Variants in FAM120A observed in about 807,000 individuals in gnomAD.
The protein encoded by FAM120A is constitutive coactivator of PPAR-gamma-like protein 1.
In FAM120A, 15 loss-of-function variants were observed where a neutral mutation model predicts 109.7. That is an observed-to-expected ratio of 0.14 (90% CI 0.09 to 0.21). FAM120A has a LOEUF of 0.21. Ranked by LOEUF, FAM120A falls within the 10% of genes least tolerant of loss-of-function variation. FAM120A has a pLI of 1.00. For missense variants in FAM120A, 899 were observed against 1,439.3 expected, an observed-to-expected ratio of 0.62 and a Z score of 6.07; for synonymous variants, 493 against 572.8, an observed-to-expected ratio of 0.86 and a Z score of 1.99.
At position 93,565,267 on chromosome 9, in the gene FAM120A, A is replaced by G. The variant is rs1006635413; in HGVS notation, c.*727A>G. On this transcript the variant is annotated 3_prime_UTR_variant, in exon 18 of 18. Transcript: ENST00000277165. ...TTCTGAAACTTTCGTGACTAATACC[A>G]TGCATCTGTGATCAATGAACTATGT... 3 of 152,660 alleles carry G rather than the reference A, an allele frequency of 2.0e-5. No individual in the cohort carries two copies. The highest frequency in any genetic ancestry group is 4.4e-5 in the Non-Finnish European group (3 of 68,046). The allele number at this position is 152,660 out of a possible 1,614,324, so 9.5% of individuals were successfully genotyped here.
rs188635170 is a variant in FAM120A at position 93,517,389 on chromosome 9, C to A, written c.1418+1120C>A. ...CTCTAGCAAGATAATATATTGAGTACCCATTGAATCAGAATCTCTGGTTGG... is the reference window on the plus strand; with the variant it reads ...CTCTAGCAAGATAATATATTGAGTAACCATTGAATCAGAATCTCTGGTTGG... On this transcript the variant is annotated intron_variant, in intron 7 of 17. Coordinates refer to ENST00000277165, the MANE Select transcript of FAM120A (RefSeq NM_014612.5). Among the ~76,000 whole-genome samples, 715 of 152,194 alleles carry A rather than the reference C, an allele frequency of 4.7e-3. 4 individuals carry two copies. The highest frequency in any genetic ancestry group is 0.014 in the Middle Eastern group (4 of 294).
Position 93,516,397 on chromosome 9 carries a change from T to C in FAM120A, c.1418+128T>C, listed in dbSNP as rs1243508234. The C allele has an allele frequency of 4.5e-6, 6 of 1,323,756 alleles. No homozygotes were observed. The Admixed American group carries it at 6.6e-5, about 15-fold the overall frequency. 82.0% of individuals were successfully genotyped at this position (1,323,756 alleles called of 1,614,324 possible). On this transcript the variant is annotated intron_variant, in intron 7 of 17. Coordinates refer to ENST00000277165, the MANE Select transcript of FAM120A (RefSeq NM_014612.5). ...TTTATTGCAGGTGGGTGATGGTCAG[T>C]CTGTACTCAGATGGGGGCTCCTTGG... is the stretch of plus-strand genomic sequence containing the variant.
chr9:93,497,694 T>A, intron 4 of FAM120A, 95 bp downstream of exon 4: 2 of 1,417,084 alleles, frequency 1.4e-6, no homozygotes, highest in South Asian at 2.9e-5. Context: ...GACTTGAGGG[T>A]GCAAGCTGAC....
chr9:93,526,194 G>T (rs569358462), intron 7 of FAM120A, among the ~76,000 whole-genome samples: 2 of 152,324 alleles, frequency 1.3e-5, no homozygotes, highest in African/African-American at 4.8e-5. Flanking sequence ...GGGTCACACT[G>T]TGCACTGAGG....
chr9:93,541,853 A>G (rs1861713131), intron 10 of FAM120A, among the ~76,000 whole-genome samples: 1 of 152,204 alleles, frequency 6.6e-6, no homozygotes, highest in Non-Finnish European at 1.5e-5. Flanking sequence ...CTGACTTGTC[A>G]GGTATTGAAA....
intron 1 of FAM120A, among the ~76,000 whole-genome samples, chr9:93,461,156 A>C (rs1042301076): frequency 2.6e-5 from 4 of 152,194 alleles, no homozygotes; most frequent in African/African-American, 9.7e-5. Context: ...GTCATTTGGC[A>C]TTTCTCAGTT....
chr9:93,493,925 G>T (rs1859455093), intron 3 of FAM120A, among the ~76,000 whole-genome samples: 1 of 152,238 alleles, frequency 6.6e-6, no homozygotes, highest in African/African-American at 2.4e-5. Context: ...GCCTTCCTGG[G>T]CCCTTTTCTT....
Position 93,452,723 on chromosome 9 carries a change from G to C in FAM120A, c.474+334G>C, listed in dbSNP as rs753688748. ...AGTTTTTCCCATCCTATTTGAGGCG[G>C]GCAGGCTATCACTCACCTTCAACTT... On this transcript the variant is annotated intron_variant, in intron 1 of 17. Coordinates refer to ENST00000277165, the MANE Select transcript of FAM120A (RefSeq NM_014612.5). This position sits in a 1 kb window ranked among gnomAD's most constrained non-coding sequence, Gnocchi z 7.0. 6.3e-7 allele frequency: 1 copy of C among 1,598,334 alleles called. No homozygotes were observed. The highest frequency in any genetic ancestry group is 8.5e-7 in the Non-Finnish European group (1 of 1,179,830).
chr9:93,464,233 CATT>C (rs1356294543), intron 1 of FAM120A, among the ~76,000 whole-genome samples: 3 of 152,058 alleles, frequency 2.0e-5, no homozygotes, highest in Non-Finnish European at 4.4e-5. Context: ...GTTTTTAAGT[CATT>C]ATTCTTTGTA....
intron 3 of FAM120A, among the ~76,000 whole-genome samples, chr9:93,491,287 A>G (rs898890689): frequency 5.9e-5 from 9 of 152,176 alleles, no homozygotes; most frequent in African/African-American, 2.2e-4. Flanking sequence ...AGGACAAGAA[A>G]TTGTAATGGG....
At position 93,459,516 on chromosome 9, in the gene FAM120A, G is replaced by T. The variant is rs1588774619; in HGVS notation, c.474+7127G>T. The stretch of plus-strand genomic sequence containing the variant: ...TGTTTGAGCACCTGTTAATGCCCAG[G>T]CCTGGAGGAGTGAACAGAACAGGAA... On this transcript the variant is annotated intron_variant, in intron 1 of 17. Coordinates refer to ENST00000277165, the MANE Select transcript of FAM120A (RefSeq NM_014612.5). Among the ~76,000 whole-genome samples the T allele has an allele frequency of 5.3e-5, 8 of 152,286 alleles. No homozygotes were observed. The South Asian group carries it at 1.7e-3, about 32-fold the overall frequency.
At chr9:93,539,031 T>G (rs1861613057) in intron 10 of FAM120A, among the ~76,000 whole-genome samples, 1 of 140,344 alleles carries the variant, frequency 7.1e-6, no homozygotes, top group African/African-American at 2.5e-5. Flanking sequence ...GGAGTCTCAC[T>G]CTGTCGCCCA....
intron 12 of FAM120A, among the ~76,000 whole-genome samples, chr9:93,551,831 A>T (rs545558011): frequency 6.6e-6 from 1 of 152,248 alleles, no homozygotes; most frequent in South Asian, 2.1e-4. Context: ...ATTCACTTCA[A>T]ATTGTGTTCT....
chr9:93,455,387 T>C (rs1405815831), intron 1 of FAM120A, among the ~76,000 whole-genome samples: 1 of 152,172 alleles, frequency 6.6e-6, no homozygotes, highest in East Asian at 1.9e-4. Flanking sequence ...GAGAGATCTT[T>C]GTGGAGTGAT....
Position 93,471,159 on chromosome 9 carries a change from G to A in FAM120A, c.493G>A (p.Asp165Asn). The A allele has an allele frequency of 6.2e-7, 1 of 1,614,174 alleles. No individual in the cohort carries two copies. The highest frequency in any genetic ancestry group is 1.1e-5 in the South Asian group (1 of 91,080). ...FHVKVAQSIEDHHQEVIGFCR... is the reference protein window; with the variant it reads ...FHVKVAQSIENHHQEVIGFCR... Reference sequence around the variant, plus strand: ...TTGCCAGGTTGCACAGAGCATTGAGGATCACCATCAGGAAGTGATTGGTTT... The same window carrying A: ...TTGCCAGGTTGCACAGAGCATTGAGAATCACCATCAGGAAGTGATTGGTTT... The change falls in exon 2 of 18, where the codon GAT becomes AAT. Residue 165 changes from aspartate (D) to asparagine (N), a missense_variant. Asp to Asn is a conservative substitution (Grantham distance 23). Around this residue, in one of 11 missense-constraint regions of FAM120A, gnomAD observed 258 missense variants for 451.4 expected, o/e 0.57. Coordinates refer to ENST00000277165, the MANE Select transcript of FAM120A (RefSeq NM_014612.5).
intron 7 of FAM120A, among the ~76,000 whole-genome samples, chr9:93,516,912 A>C (rs1860622733): frequency 1.3e-5 from 2 of 151,222 alleles, no homozygotes; most frequent in South Asian, 4.1e-4. Context: ...TGTTTAAAAC[A>C]AAAAAAACAG....
intron 16 of FAM120A, among the ~76,000 whole-genome samples, chr9:93,561,959 A>G (rs1253505208): frequency 6.6e-6 from 1 of 152,198 alleles, no homozygotes; most frequent in African/African-American, 2.4e-5. Context: ...AATCTTCCCT[A>G]TGATCATACT....
chr9:93,559,173 G>A (rs1208414783), intron 15 of FAM120A, among the ~76,000 whole-genome samples: 2 of 152,166 alleles, frequency 1.3e-5, no homozygotes, highest in Non-Finnish European at 2.9e-5. Flanking sequence ...ATCTAATGTT[G>A]GGCATATAAA....
rs1418245346 is a variant in FAM120A, at chr9:93,558,027, G to A, written c.2668+17G>A. On this transcript the variant is annotated intron_variant, in intron 14 of 17. Transcript: ENST00000277165. ...GCTTTGCAGGTGAGTTGATTGGGAC[G>A]TATTCCTGTGGGTAACAGATGCCAG... is the stretch of plus-strand genomic sequence containing the variant. 8 of 1,568,308 alleles carry A rather than the reference G, an allele frequency of 5.1e-6. No individual in the cohort carries two copies. The highest frequency in any genetic ancestry group is 6.0e-6 in the Non-Finnish European group (7 of 1,163,978).
Sources: gnomAD v4.1 joint callset for allele counts (sites outside exome capture counted in the v4.1 genomes callset) on GRCh38, gnomAD v4.1.1 for gene constraint, gnomAD v4.1.1 regional missense constraint, Gnocchi (gnomAD v3.1) non-coding constraint, MANE v1.5 for transcripts, NCBI Gene and HGNC (gene_info 2026-07-23, HGNC 2026-07-21) for gene names.